TBC1D5: variants seen among roughly 807,000 people sequenced by gnomAD.
TBC1D5 encodes the protein TBC1 domain family member 5, also known as TBC1 domain family, member 5.
A neutral mutation model predicts 100.3 loss-of-function variants in TBC1D5; 75 were observed. The observed-to-expected ratio is 0.75, with a 90% CI of 0.62 to 0.91. The LOEUF (loss-of-function observed/expected upper bound fraction) is 0.91, where lower values mean the gene tolerates loss of function less well. Among genes scored for constraint, TBC1D5 ranks in the 40% least tolerant of loss-of-function variants. The pLI is 0.00. For synonymous variants in TBC1D5, 323 were observed against 325.6 expected, an observed-to-expected ratio of 0.99 and a Z score of 0.09; for missense variants, 910 against 942.4, an observed-to-expected ratio of 0.97 and a Z score of 0.45.
intron 13 of TBC1D5, among the ~76,000 whole-genome samples, chr3:17,309,190 C>CA (rs889009737): frequency 2.0e-5 from 3 of 150,130 alleles, no homozygotes; most frequent in Admixed American, 1.3e-4. Flanking sequence ...TAAAGCAAGG[C>CA]AAAAAAAATT....
intron 3 of TBC1D5, among the ~76,000 whole-genome samples, chr3:17,453,079 T>TAAAAAAAAAAAA (rs570210975): frequency 2.4e-5 from 2 of 81,894 alleles, no homozygotes; most frequent in Non-Finnish European, 5.6e-5. Flanking sequence ...AATGAAGAAA[T>TAAAAAAAAAAAA]AAAAAAAAAA....
intron 18 of TBC1D5, among the ~76,000 whole-genome samples, chr3:17,197,575 T>C (rs555187259): frequency 6.6e-6 from 1 of 152,072 alleles, no homozygotes; most frequent in Non-Finnish European, 1.5e-5. Context: ...TCTTGCTATG[T>C]TGTCCCAGCT....
At position 17,292,485 on chromosome 3, in the gene TBC1D5, T is replaced by C. The variant is rs117303771; in HGVS notation, c.1139-484A>G. Among the ~76,000 whole-genome samples the C allele has an allele frequency of 8.7e-3, 1,321 of 152,350 alleles. 49 individuals are homozygous for C. Among genetic ancestry groups the C allele is most frequent in the Admixed American group, 0.061 (928 of 15,304 alleles). On this transcript the variant is annotated intron_variant, in intron 14 of 21. Coordinates refer to ENST00000253692, the Ensembl canonical transcript of TBC1D5. Reference sequence around the variant, plus strand: ...TTACGTAACTCAAAATTTAAAAAAGTAGAATTTCTTCTAATTATTTGTTTT... The same window carrying C: ...TTACGTAACTCAAAATTTAAAAAAGCAGAATTTCTTCTAATTATTTGTTTT...
intron 1 of TBC1D5, among the ~76,000 whole-genome samples, chr3:17,736,225 C>T (rs2076952410): frequency 6.6e-6 from 1 of 152,088 alleles, no homozygotes; most frequent in Admixed American, 6.5e-5. Context: ...TACCACTGCA[C>T]TCCAGCCTGA....
chr3:17,356,703 A>AGT (rs1431358379), intron 13 of TBC1D5, among the ~76,000 whole-genome samples: 1 of 152,224 alleles, frequency 6.6e-6, no homozygotes, highest in Admixed American at 6.5e-5. Flanking sequence ...ACTAGAACAG[A>AGT]GTGAGCAGCA....
chr3:17,294,631 T>C (rs541033309), intron 14 of TBC1D5, among the ~76,000 whole-genome samples: 2 of 152,354 alleles, frequency 1.3e-5, no homozygotes, highest in South Asian at 4.1e-4. Flanking sequence ...TTCTTTCATC[T>C]TTCTATCCAT....
chr3:17,348,149 A>G (rs2090138306), intron 13 of TBC1D5, among the ~76,000 whole-genome samples: 1 of 152,236 alleles, frequency 6.6e-6, no homozygotes, highest in African/African-American at 2.4e-5. Flanking sequence ...TTATTCCAAA[A>G]TAAGTTAAAT....
intron 19 of TBC1D5, among the ~76,000 whole-genome samples, chr3:17,176,412 G>A (rs1211436622): frequency 6.6e-6 from 1 of 152,242 alleles, no homozygotes; most frequent in Admixed American, 6.5e-5. Context: ...AGGCTGGTAA[G>A]TTGGTATTTT....
At chr3:17,244,786 C>T (rs772281278) in intron 16 of TBC1D5, among the ~76,000 whole-genome samples, 12 of 151,946 alleles carry the variant, frequency 7.9e-5, no homozygotes, top group Non-Finnish European at 1.2e-4. Flanking sequence ...TTATAGATAT[C>T]AATCTATTTG....
chr3:17,294,149 G>A (rs2082022531), intron 14 of TBC1D5, among the ~76,000 whole-genome samples: 1 of 152,200 alleles, frequency 6.6e-6, no homozygotes, highest in South Asian at 2.1e-4. Flanking sequence ...TATACTAGAA[G>A]ATCAGCATAA....
intron 1 of TBC1D5, among the ~76,000 whole-genome samples, chr3:17,691,423 T>C (rs17273076): frequency 0.016 from 2,506 of 152,296 alleles, 50 homozygotes; most frequent in South Asian, 0.048. Flanking sequence ...ACTTGTATGA[T>C]CCAATAAATT....
At chr3:17,358,437 C>A (rs544780322) in intron 13 of TBC1D5, among the ~76,000 whole-genome samples, 1 of 152,120 alleles carries the variant, frequency 6.6e-6, no homozygotes, top group Non-Finnish European at 1.5e-5. Context: ...CCTCCCACCT[C>A]GGCCTCCCAA....
intron 13 of TBC1D5, among the ~76,000 whole-genome samples, chr3:17,314,689 G>GCA (rs1467536900): frequency 2.0e-5 from 3 of 152,158 alleles, no homozygotes; most frequent in African/African-American, 7.2e-5. Context: ...CAGGTGATCT[G>GCA]CATGTACAAG....
At chr3:17,515,454 C>A (rs2095972560) in intron 2 of TBC1D5, among the ~76,000 whole-genome samples, 1 of 152,110 alleles carries the variant, frequency 6.6e-6, no homozygotes, top group Non-Finnish European at 1.5e-5. Flanking sequence ...CTATTTAAAC[C>A]ACTATACATA....
chr3:17,305,575 CTTTA>C (rs1265482714), intron 14 of TBC1D5, among the ~76,000 whole-genome samples: 8 of 152,258 alleles, frequency 5.3e-5, no homozygotes, highest in Non-Finnish European at 8.8e-5. Context: ...TGACATTTAA[CTTTA>C]TTTTTCAAAT....
intron 2 of TBC1D5, among the ~76,000 whole-genome samples, chr3:17,595,076 C>T (rs770723426): frequency 5.3e-5 from 8 of 152,132 alleles, no homozygotes; most frequent in Non-Finnish European, 1.2e-4. Flanking sequence ...GCCTCCCAGC[C>T]TACATCTTTC....
chr3:17,544,012 C>A (rs1422752678), intron 2 of TBC1D5, among the ~76,000 whole-genome samples: 2 of 151,954 alleles, frequency 1.3e-5, no homozygotes, highest in African/African-American at 4.8e-5. Context: ...AGACTATAGG[C>A]ACGCACCACC....
At chr3:17,477,133 A>C (rs991303785) in intron 3 of TBC1D5, among the ~76,000 whole-genome samples, 25 of 151,920 alleles carry the variant, frequency 1.6e-4, no homozygotes, top group African/African-American at 6.0e-4. Context: ...GAATTTTTTT[A>C]ATGTTTCCCC....
intron 14 of TBC1D5, among the ~76,000 whole-genome samples, chr3:17,300,676 G>C (rs1381467288): frequency 6.6e-6 from 1 of 152,180 alleles, no homozygotes. Flanking sequence ...AAACAAGGCA[G>C]GAAGTGGGTA....
Sources: gnomAD v4.1 joint callset for allele counts (sites outside exome capture counted in the v4.1 genomes callset) on GRCh38, gnomAD v4.1.1 for gene constraint, MANE v1.5 for transcripts, NCBI Gene and HGNC (gene_info 2026-07-23, HGNC 2026-07-21) for gene names.